Variants in CNTNAP2 observed in about 807,000 individuals in gnomAD.
CNTNAP2 encodes the protein contactin associated protein 2.
CNTNAP2 carries 98 observed loss-of-function variants against 155.2 expected under a neutral mutation model. That is an observed-to-expected ratio of 0.63 (90% CI 0.54 to 0.75). CNTNAP2 has a LOEUF of 0.75. Ranked by LOEUF, CNTNAP2 falls within the 30% of genes least tolerant of loss-of-function variation. The pLI, the probability that CNTNAP2 is intolerant of heterozygous loss-of-function variation, is 0.00. For missense variants in CNTNAP2, 1,727 were observed against 1,688.1 expected (o/e 1.02, Z -0.40); for synonymous variants, 651 against 631.2 (o/e 1.03, Z -0.47).
intron 2 of CNTNAP2, among the ~76,000 whole-genome samples, chr7:146,775,993 A>G (rs943148773): frequency 5.9e-5 from 9 of 152,176 alleles, no homozygotes; most frequent in Non-Finnish European, 1.3e-4. Flanking sequence ...ACTATAAGTT[A>G]TCAAAAATTC....
intron 11 of CNTNAP2, among the ~76,000 whole-genome samples, chr7:147,517,085 G>A (rs1799142223): frequency 6.6e-6 from 1 of 151,408 alleles, no homozygotes; most frequent in Non-Finnish European, 1.5e-5. Context: ...GGGCAGGCTG[G>A]TCTCCAACTC....
At chr7:147,024,940 G>A (rs1000230129) in intron 3 of CNTNAP2, among the ~76,000 whole-genome samples, 1 of 152,096 alleles carries the variant, frequency 6.6e-6, no homozygotes, top group African/African-American at 2.4e-5. Context: ...ATCACATCAC[G>A]TGAGAACTCA....
chr7:147,301,588 CTCTCTGTGTGTGTGTGTGTGTGTG>C (rs1794946222), intron 9 of CNTNAP2, among the ~76,000 whole-genome samples: 1 of 60,700 alleles, frequency 1.6e-5, no homozygotes, highest in Non-Finnish European at 2.9e-5. Flanking sequence ...CTCTCTCTCT[CTCTCTGTGTGTGTGTGTGTGTGTG>C]TGTGTGTGTG....
chr7:147,654,978 G>A (rs756702728), intron 13 of CNTNAP2, among the ~76,000 whole-genome samples: 23 of 149,766 alleles, frequency 1.5e-4, no homozygotes, highest in Admixed American at 9.3e-4. Flanking sequence ...CACCATGCCC[G>A]GCTAATTTTT....
chr7:147,928,944 T>A (rs181475907), intron 14 of CNTNAP2, among the ~76,000 whole-genome samples: 57 of 151,446 alleles, frequency 3.8e-4, no homozygotes, highest in African/African-American at 1.2e-3. Flanking sequence ...AATACAAAAT[T>A]AGCTGGGTGT....
At chr7:146,787,293 C>A (rs181439389) in intron 2 of CNTNAP2, among the ~76,000 whole-genome samples, 1 of 152,124 alleles carries the variant, frequency 6.6e-6, no homozygotes, top group Admixed American at 6.6e-5. Context: ...TTTTTGGTCT[C>A]GCTGACTTCA....
intron 1 of CNTNAP2, among the ~76,000 whole-genome samples, chr7:146,176,475 C>G (rs1330063593): frequency 6.6e-6 from 1 of 152,028 alleles, no homozygotes; most frequent in Non-Finnish European, 1.5e-5. Context: ...TAAAAATTGA[C>G]AGAGAATTTG....
At chr7:147,230,713 G>A (rs1368826322) in intron 8 of CNTNAP2, among the ~76,000 whole-genome samples, 1 of 152,130 alleles carries the variant, frequency 6.6e-6, no homozygotes, top group East Asian at 1.9e-4. Context: ...ATAACTGAAA[G>A]TTTGTACCCT....
At chr7:147,587,585 T>A (rs1015938142) in intron 12 of CNTNAP2, among the ~76,000 whole-genome samples, 4 of 152,206 alleles carry the variant, frequency 2.6e-5, no homozygotes, top group Admixed American at 1.3e-4. Flanking sequence ...AACGTCATGC[T>A]TATAGAGTTG....
intron 2 of CNTNAP2, among the ~76,000 whole-genome samples, chr7:146,779,505 C>A (rs10279644): frequency 6.6e-6 from 1 of 152,050 alleles, no homozygotes; most frequent in African/African-American, 2.4e-5. Flanking sequence ...ATGATGGTGC[C>A]TAAAATGAGT....
chr7:148,151,229 A>G (rs1208107904), intron 17 of CNTNAP2, among the ~76,000 whole-genome samples: 1 of 152,110 alleles, frequency 6.6e-6, no homozygotes, highest in African/African-American at 2.4e-5. Flanking sequence ...ACAGTATTAA[A>G]TGAGATATTC....
At chr7:146,562,286 T>G (rs1418621808) in intron 1 of CNTNAP2, among the ~76,000 whole-genome samples, 1 of 152,002 alleles carries the variant, frequency 6.6e-6, no homozygotes. Context: ...TAAAATAAAT[T>G]TTACTTATAT....
chr7:146,240,488 A>G (rs543605841), intron 1 of CNTNAP2, among the ~76,000 whole-genome samples: 9 of 151,914 alleles, frequency 5.9e-5, no homozygotes, highest in Non-Finnish European at 1.3e-4. Context: ...GCTAATTAAT[A>G]ATTTAATGAT....
At chr7:146,124,910 C>T (rs1206425734) in intron 1 of CNTNAP2, among the ~76,000 whole-genome samples, 1 of 152,198 alleles carries the variant, frequency 6.6e-6, no homozygotes, top group Non-Finnish European at 1.5e-5. Context: ...ATATGCCAGA[C>T]AGCCACGTAT....
chr7:147,554,033 A>G (rs1003439073), intron 11 of CNTNAP2, among the ~76,000 whole-genome samples: 1 of 152,150 alleles, frequency 6.6e-6, no homozygotes, highest in Non-Finnish European at 1.5e-5. Context: ...AGATGCAGCA[A>G]CATAAGCAAC....
At chr7:148,045,627 T>C (rs538329427) in intron 15 of CNTNAP2, among the ~76,000 whole-genome samples, 2 of 152,328 alleles carry the variant, frequency 1.3e-5, no homozygotes, top group African/African-American at 2.4e-5. Context: ...CAACATAAAA[T>C]TGTAAGATTT....
intron 10 of CNTNAP2, among the ~76,000 whole-genome samples, chr7:147,437,473 T>C (rs1254208008): frequency 6.6e-6 from 1 of 152,166 alleles, no homozygotes; most frequent in Non-Finnish European, 1.5e-5. Flanking sequence ...TTTTTTCCAG[T>C]GTAGGTTCTT....
At chr7:146,689,647 G>A (rs1189246525) in intron 1 of CNTNAP2, among the ~76,000 whole-genome samples, 2 of 152,038 alleles carry the variant, frequency 1.3e-5, no homozygotes, top group Admixed American at 6.6e-5. Flanking sequence ...TGACTGCCAC[G>A]CATGTCTGAT....
rs151038977 is a variant in CNTNAP2, at chr7:146,701,081, C to T, written c.98-73190C>T. Among the ~76,000 whole-genome samples the T allele has an allele frequency of 9.9e-4, 151 of 152,094 alleles. 1 individual carries two copies. The highest frequency in any genetic ancestry group is 3.5e-3 in the African/African-American group (145 of 41,500). On this transcript the variant is annotated intron_variant, in intron 1 of 23. Transcript: ENST00000361727. ...AGTAGATCAAACAAGGATGATTTTT[C>T]CAAGTGATTTTATCACCATTTTTTC...
Sources: allele counts gnomAD v4.1 joint callset (sites outside exome capture counted in the v4.1 genomes callset), GRCh38; gene constraint gnomAD v4.1.1; transcripts MANE v1.5; gene names NCBI Gene and HGNC (gene_info 2026-07-23, HGNC 2026-07-21).